BCAS3: variants seen among roughly 807,000 people sequenced by gnomAD.
BCAS3 encodes the protein BCAS4/BCAS3 fusion.
A neutral mutation model predicts 116.1 loss-of-function variants in BCAS3; 53 were observed. The observed-to-expected ratio is 0.46, with a 90% CI of 0.37 to 0.57. BCAS3 has a LOEUF of 0.57. Among genes scored for constraint, BCAS3 ranks in the 20% least tolerant of loss-of-function variants. BCAS3 has a pLI of 0.00. For missense variants in BCAS3, 917 were observed against 1,165.4 expected, an observed-to-expected ratio of 0.79 and a Z score of 3.10; for synonymous variants, 391 against 408.2, an observed-to-expected ratio of 0.96 and a Z score of 0.51.
chr17:60,693,532 A>T (rs752261000), intron 4 of BCAS3, among the ~76,000 whole-genome samples: 1 of 151,100 alleles, frequency 6.6e-6, no homozygotes, highest in Non-Finnish European at 1.5e-5. Flanking sequence ...CTCCCACCTC[A>T]GCCTCCTTAG....
chr17:61,206,759 C>T (rs1601904252), intron 22 of BCAS3, among the ~76,000 whole-genome samples: 2 of 144,564 alleles, frequency 1.4e-5, no homozygotes, highest in East Asian at 2.0e-4. Context: ...CAAGATCTCG[C>T]CATTGCACTT....
At chr17:60,756,793 C>G (rs552957314) in intron 6 of BCAS3, among the ~76,000 whole-genome samples, 8 of 152,248 alleles carry the variant, frequency 5.3e-5, no homozygotes, top group Admixed American at 2.0e-4. Context: ...AATGGGATTG[C>G]TGGATCATAT....
chr17:60,871,609 T>G lies in BCAS3; in HGVS notation c.584+2926T>G, dbSNP rs535090180. Reference sequence around the variant, plus strand: ...GGGTTTTTTTTGGTTTGTTTTTGTTTTTTTTTTTTTTGCATAACCAGGCAT... The same window carrying G: ...GGGTTTTTTTTGGTTTGTTTTTGTTGTTTTTTTTTTTGCATAACCAGGCAT... On this transcript the variant is annotated intron_variant, in intron 8 of 23. Transcript: ENST00000407086. Among the ~76,000 whole-genome samples, 8 of 150,928 alleles carry G rather than the reference T, an allele frequency of 5.3e-5. No homozygotes were observed. In the South Asian group the frequency reaches 1.0e-3, roughly 20 times the overall value.
rs1471081526 is a variant in BCAS3 at position 61,156,849 on chromosome 17, C to T, written c.2425+72285C>T. 6.6e-6 allele frequency among the ~76,000 whole-genome samples: 1 copy of T among 152,028 alleles called. No individual in the cohort carries two copies. Among genetic ancestry groups the T allele is most frequent in the Non-Finnish European group, 1.5e-5 (1 of 68,014 alleles). The stretch of plus-strand genomic sequence containing the variant: ...ATACAGACCACCTCAACGATGGACT[C>T]CTTTATGAATGATTTAGGTAATTGA... On this transcript the variant is annotated intron_variant, in intron 22 of 23. Coordinates refer to ENST00000407086, the MANE Select transcript of BCAS3 (RefSeq NM_017679.5). This position sits in a 1 kb window ranked among gnomAD's most constrained non-coding sequence, Gnocchi z 4.7.
At chr17:60,985,247 G>A (rs1600227365) in intron 14 of BCAS3, among the ~76,000 whole-genome samples, 1 of 148,786 alleles carries the variant, frequency 6.7e-6, no homozygotes, top group South Asian at 2.2e-4. Flanking sequence ...CAGGGTTCAA[G>A]TGATTCTCCT....
intron 22 of BCAS3, among the ~76,000 whole-genome samples, chr17:61,100,808 G>A (rs549897253): frequency 6.6e-5 from 10 of 152,186 alleles, no homozygotes; most frequent in African/African-American, 2.2e-4. Context: ...TTTACAACAC[G>A]GCCCTGCATT....
At chr17:60,841,627 G>A (rs926656857) in intron 7 of BCAS3, among the ~76,000 whole-genome samples, 3 of 148,634 alleles carry the variant, frequency 2.0e-5, no homozygotes, top group Middle Eastern at 3.4e-3. Context: ...TGATCCGCCC[G>A]CCTCGGCCTC....
In BCAS3 at chr17:61,059,746, C is replaced by T. The variant is rs181945927; in HGVS notation, c.2030-15174C>T. Among the ~76,000 whole-genome samples, 8 of 152,278 alleles carry T rather than the reference C, an allele frequency of 5.3e-5. No homozygotes were observed. The East Asian group carries it at 1.6e-3, about 30-fold the overall frequency. On this transcript the variant is annotated intron_variant, in intron 19 of 23. Coordinates refer to ENST00000407086, the MANE Select transcript of BCAS3 (RefSeq NM_017679.5). ...AAGCTATAGAAAGAAATTTTACTGGCTGGGCACGGTGGCTCACACCTGTAA... is the reference window on the plus strand; with the variant it reads ...AAGCTATAGAAAGAAATTTTACTGGTTGGGCACGGTGGCTCACACCTGTAA...
intron 7 of BCAS3, among the ~76,000 whole-genome samples, chr17:60,850,868 A>G (rs2053080914): frequency 6.6e-6 from 1 of 152,216 alleles, no homozygotes; most frequent in Non-Finnish European, 1.5e-5. Context: ...AAAAAAATAT[A>G]AATGTCATCT....
At chr17:61,148,602 C>T (rs2077373699) in intron 22 of BCAS3, among the ~76,000 whole-genome samples, 1 of 152,160 alleles carries the variant, frequency 6.6e-6, no homozygotes, top group Non-Finnish European at 1.5e-5. Context: ...TTTTTAAACA[C>T]TACAGGCTAA....
intron 6 of BCAS3, among the ~76,000 whole-genome samples, chr17:60,802,371 C>CATATATATATATATATATATATAT (rs533515914): frequency 1.2e-4 from 13 of 111,936 alleles, no homozygotes; most frequent in African/African-American, 4.1e-4. Flanking sequence ...TACATACATA[C>CATATATATATATATATATATATAT]ATATATATAT....
intron 22 of BCAS3, among the ~76,000 whole-genome samples, chr17:61,216,395 A>G (rs949633910): frequency 2.6e-5 from 4 of 152,224 alleles, no homozygotes; most frequent in Non-Finnish European, 4.4e-5. Flanking sequence ...AGTTGGCTCT[A>G]GCTAAACCAG....
In BCAS3 at chr17:61,104,145, G is replaced by T. The variant is rs1048854707; in HGVS notation, c.2425+19581G>T. Among the ~76,000 whole-genome samples the T allele has an allele frequency of 2.6e-5, 4 of 152,088 alleles. No homozygotes were observed. Among genetic ancestry groups the T allele is most frequent in the Non-Finnish European group, 4.4e-5 (3 of 68,024 alleles). On this transcript the variant is annotated intron_variant, in intron 22 of 23. Coordinates refer to ENST00000407086, the MANE Select transcript of BCAS3 (RefSeq NM_017679.5). This position sits in a 1 kb window ranked among gnomAD's most constrained non-coding sequence, Gnocchi z 4.1. ...ATTTACCAAAATGACTATTTCACTT[G>T]GAAAGTTTTGTCTTTTCTGTAAAAA... is the stretch of plus-strand genomic sequence containing the variant.
At chr17:60,859,926 T>C (rs1418860806) in intron 7 of BCAS3, among the ~76,000 whole-genome samples, 2 of 152,142 alleles carry the variant, frequency 1.3e-5, no homozygotes, top group African/African-American at 4.8e-5. Flanking sequence ...GTTGATTCCA[T>C]GAATTTGATA....
chr17:60,678,925 T>C (rs2032496669), intron 1 of BCAS3, among the ~76,000 whole-genome samples: 1 of 152,206 alleles, frequency 6.6e-6, no homozygotes, highest in Non-Finnish European at 1.5e-5. Context: ...GACCTGGTCC[T>C]ATTAAAAAAC....
chr17:60,726,610 C>T (rs186523202), intron 5 of BCAS3, among the ~76,000 whole-genome samples: 36 of 149,010 alleles, frequency 2.4e-4, no homozygotes, highest in South Asian at 6.4e-4. Flanking sequence ...CGCAGGTTCA[C>T]GCCATTCTCC....
intron 22 of BCAS3, among the ~76,000 whole-genome samples, chr17:61,254,032 T>G (rs2048569334): frequency 6.6e-6 from 1 of 152,114 alleles, no homozygotes. Flanking sequence ...TTCTTCTACA[T>G]CAGGCCCACT....
chr17:61,104,596 G>A lies in BCAS3; in HGVS notation c.2425+20032G>A, dbSNP rs2074526572. Reference sequence around the variant, plus strand: ...TCAAATAGCAGTCTCATTTACTTAGGATCCGTGTCAGCGCCTTGAGCTCCA... The same window carrying A: ...TCAAATAGCAGTCTCATTTACTTAGAATCCGTGTCAGCGCCTTGAGCTCCA... On this transcript the variant is annotated intron_variant, in intron 22 of 23. Transcript: ENST00000407086. This position sits in a 1 kb window ranked among gnomAD's most constrained non-coding sequence, Gnocchi z 4.1. Among the ~76,000 whole-genome samples, 1 of 152,060 alleles carries A rather than the reference G, an allele frequency of 6.6e-6. No homozygotes were observed. Among genetic ancestry groups the A allele is most frequent in the Admixed American group, 6.6e-5 (1 of 15,256 alleles).
At position 61,332,123 on chromosome 17, in the gene BCAS3, G is replaced by A. The variant is rs968873479; in HGVS notation, c.2426-36204G>A. 3.3e-5 allele frequency among the ~76,000 whole-genome samples: 5 copies of A among 152,166 alleles called. No homozygotes were observed. The East Asian group carries it at 5.8e-4, about 18-fold the overall frequency. ...AGTGCAGAGAGTTGCCACCCAGCCC[G>A]CCGGGCTCTGGAGCTGGGCCACGGG... On this transcript the variant is annotated intron_variant, in intron 22 of 23. Coordinates refer to ENST00000407086, the MANE Select transcript of BCAS3 (RefSeq NM_017679.5). The surrounding 1 kb of genome is among the most constrained non-coding windows in gnomAD (Gnocchi z 5.4).
Sources: allele counts gnomAD v4.1 joint callset (sites outside exome capture counted in the v4.1 genomes callset), GRCh38; gene constraint gnomAD v4.1.1; non-coding constraint Gnocchi (gnomAD v3.1); transcripts MANE v1.5; gene names NCBI Gene and HGNC (gene_info 2026-07-23, HGNC 2026-07-21).